Variants in TMEM255B observed in about 807,000 individuals in gnomAD.
TMEM255B encodes family with sequence similarity 70, member B.
TMEM255B carries 35 observed loss-of-function variants against 34.5 expected under a neutral mutation model. That is an observed-to-expected ratio of 1.01 (90% CI 0.77 to 1.34). The LOEUF (loss-of-function observed/expected upper bound fraction) is 1.34. Among genes scored for constraint, TMEM255B ranks in the 40% most tolerant of loss-of-function variants. TMEM255B has a pLI of 0.00. For missense variants in TMEM255B, 432 were observed against 433.2 expected, an observed-to-expected ratio of 1.00 and a Z score of 0.02; for synonymous variants, 206 against 201.2, an observed-to-expected ratio of 1.02 and a Z score of -0.20.
intron 8 of TMEM255B, 124 bp from the exon 9 acceptor site, chr13:113,811,594 ATGGCCCTGAGTCTGCGGG>A: frequency 1.2e-6 from 1 of 828,362 alleles, no homozygotes; most frequent in East Asian, 3.0e-5. Context: ...GCCCATGTGA[ATGGCCCTGAGTCTGCGGG>A]TGGCCCTGGG....
chr13:113,801,832 C>T lies in TMEM255B; in HGVS notation c.669+20C>T, dbSNP rs1422297427. On this transcript the variant is annotated intron_variant, in intron 7 of 8. Transcript: ENST00000375353. Reference sequence around the variant, plus strand: ...GACATGGTGAGGCCCCTTGGTGGGACCCCCGCTGCTCACTGGGAGCCGGGG... The same window carrying T: ...GACATGGTGAGGCCCCTTGGTGGGATCCCCGCTGCTCACTGGGAGCCGGGG... 1 of 1,573,188 alleles carries T rather than the reference C, an allele frequency of 6.4e-7. No individual in the cohort carries two copies. The highest frequency in any genetic ancestry group is 8.6e-7 in the Non-Finnish European group (1 of 1,157,744).
At chr13:113,799,276 C>T in intron 4 of TMEM255B, 63 bp from the exon 5 acceptor site, 22 of 1,539,106 alleles carry the variant, frequency 1.4e-5, no homozygotes, top group Non-Finnish European at 2.0e-5. Context: ...CCTGAAATTG[C>T]CTCTGGCCTC....
intron 3 of TMEM255B, among the ~76,000 whole-genome samples, chr13:113,786,508 C>T (rs1015409997): frequency 8.4e-5 from 11 of 130,842 alleles, no homozygotes; most frequent in Middle Eastern, 6.5e-3. Context: ...TCACCATCAC[C>T]ATCATCACCA....
Position 113,782,941 on chromosome 13 carries a change from T to A in TMEM255B, c.253-12207T>A, listed in dbSNP as rs140640088. Among the ~76,000 whole-genome samples the A allele has an allele frequency of 8.2e-3, 1,253 of 152,284 alleles. 20 individuals are homozygous for A. The highest frequency in any genetic ancestry group is 0.029 in the African/African-American group (1,192 of 41,560). Reference sequence around the variant, plus strand: ...TGAGCATCTGGTATTTATATGGAGATGTTTGTCTTTTTGAATTCTTTGTTC... The same window carrying A: ...TGAGCATCTGGTATTTATATGGAGAAGTTTGTCTTTTTGAATTCTTTGTTC... On this transcript the variant is annotated intron_variant, in intron 3 of 8. Transcript: ENST00000375353.
chr13:113,795,621 C>T (rs1359710698), intron 4 of TMEM255B, among the ~76,000 whole-genome samples: 1 of 146,874 alleles, frequency 6.8e-6, no homozygotes, highest in East Asian at 2.1e-4. Context: ...ACACACCACA[C>T]ACCACACAAC....
chr13:113,786,815 C>T (rs531066447), intron 3 of TMEM255B, among the ~76,000 whole-genome samples: 33 of 152,332 alleles, frequency 2.2e-4, no homozygotes, highest in African/African-American at 6.5e-4. Context: ...GAAACCATTA[C>T]GATGGATTTC....
Position 113,806,148 on chromosome 13 carries a change from G to A in TMEM255B, c.813+1120G>A, listed in dbSNP as rs1332456210. 6.6e-6 allele frequency among the ~76,000 whole-genome samples: 1 copy of A among 152,160 alleles called. No individual in the cohort carries two copies. Among genetic ancestry groups the A allele is most frequent in the African/African-American group, 2.4e-5 (1 of 41,428 alleles). On this transcript the variant is annotated intron_variant, in intron 8 of 8. Coordinates refer to ENST00000375353, the MANE Select transcript of TMEM255B (RefSeq NM_182614.4). This position sits in a 1 kb window ranked among gnomAD's most constrained non-coding sequence, Gnocchi z 4.2. Reference sequence around the variant, plus strand: ...TCCGGGGGAGGCCTGTGCACACTCTGCCCTCACGTCCAGGACAGAGAGGGC... The same window carrying A: ...TCCGGGGGAGGCCTGTGCACACTCTACCCTCACGTCCAGGACAGAGAGGGC...
intron 6 of TMEM255B, 67 bp downstream of exon 6, chr13:113,800,979 T>A: frequency 8.7e-7 from 1 of 1,149,238 alleles, no homozygotes; most frequent in Admixed American, 2.3e-5. Flanking sequence ...GACCCCCGTA[T>A]CTACACCTGC....
At chr13:113,794,782 C>G (rs1476708869) in intron 3 of TMEM255B, among the ~76,000 whole-genome samples, 2 of 152,224 alleles carry the variant, frequency 1.3e-5, no homozygotes, top group Non-Finnish European at 2.9e-5. Context: ...GAAGCTGATC[C>G]GATGACTGTA....
At chr13:113,796,057 CAG>C (rs1336434607) in intron 4 of TMEM255B, among the ~76,000 whole-genome samples, 2 of 140,448 alleles carry the variant, frequency 1.4e-5, no homozygotes, top group Non-Finnish European at 3.0e-5. Context: ...ACACAACACA[CAG>C]AGCACACAGC....
At chr13:113,798,461 AATGG>A (rs1206576983) in intron 4 of TMEM255B, among the ~76,000 whole-genome samples, 1 of 139,030 alleles carries the variant, frequency 7.2e-6, no homozygotes, top group African/African-American at 2.7e-5. Flanking sequence ...AAGGATGGAT[AATGG>A]ATGGATGATG....
At chr13:113,805,734 C>T (rs901650675) in intron 8 of TMEM255B, among the ~76,000 whole-genome samples, 2 of 152,206 alleles carry the variant, frequency 1.3e-5, no homozygotes, top group African/African-American at 4.8e-5. Context: ...TCAGAGCCGC[C>T]GGTGTGACAA....
intron 3 of TMEM255B, among the ~76,000 whole-genome samples, chr13:113,771,417 C>T (rs973028676): frequency 6.6e-6 from 1 of 152,180 alleles, no homozygotes; most frequent in Non-Finnish European, 1.5e-5. Flanking sequence ...CACGGTGGCT[C>T]ATGCCTGTAA....
Position 113,812,861 on chromosome 13 carries a change from GGTGGGTCACAGGTCCCGA to G in TMEM255B, c.*971_*988del, listed in dbSNP as rs1208362202. 0.024 allele frequency: 3,691 copies of G among 154,410 alleles called. 97 individuals carry two copies. The highest frequency in any genetic ancestry group is 0.066 in the African/African-American group (1,943 of 29,322). The allele number at this position is 154,410 out of a possible 1,614,324, so 9.6% of individuals were successfully genotyped here. A position where few individuals can be genotyped will look rare whatever the true frequency, so the allele number is the denominator to read the frequency against. The stretch of plus-strand genomic sequence containing the variant: ...TCCCGGGTGGGTCACAGGCATCCCG[GGTGGGTCACAGGTCCCGA>G]GTGGGTCACAGGCCCCGGGTGAGTC... On this transcript the variant is annotated 3_prime_UTR_variant, in exon 9 of 9. Transcript: ENST00000375353.
chr13:113,766,421 C>A, intron 2 of TMEM255B, 164 bp downstream of exon 2: 2 of 1,000,538 alleles, frequency 2.0e-6, no homozygotes, highest in Non-Finnish European at 3.1e-6. Context: ...ATGCACTTCC[C>A]AATCCCCAGG....
chr13:113,782,102 TG>T (rs1437812103), intron 3 of TMEM255B, among the ~76,000 whole-genome samples: 2 of 152,240 alleles, frequency 1.3e-5, no homozygotes, highest in African/African-American at 4.8e-5. Context: ...TTAGACCAAC[TG>T]TTTACATTTT....
chr13:113,785,694 T>G (rs2050730133), intron 3 of TMEM255B, among the ~76,000 whole-genome samples: 1 of 152,216 alleles, frequency 6.6e-6, no homozygotes, highest in South Asian at 2.1e-4. Flanking sequence ...GTAGGAACGG[T>G]TGCCGCTGGG....
chr13:113,795,514 G>A (rs1355869334), intron 4 of TMEM255B, among the ~76,000 whole-genome samples: 1 of 129,942 alleles, frequency 7.7e-6, no homozygotes, highest in Non-Finnish European at 1.6e-5. Context: ...AGAGCACACA[G>A]CACACAACAC....
chr13:113,781,906 C>A (rs1194749703), intron 3 of TMEM255B, among the ~76,000 whole-genome samples: 2 of 152,142 alleles, frequency 1.3e-5, no homozygotes, highest in East Asian at 3.8e-4. Flanking sequence ...CATACAAGAT[C>A]CTTTCTTATA....
Sources: allele counts gnomAD v4.1 joint callset (sites outside exome capture counted in the v4.1 genomes callset), GRCh38; gene constraint gnomAD v4.1.1; non-coding constraint Gnocchi (gnomAD v3.1); transcripts MANE v1.5; gene names NCBI Gene and HGNC (gene_info 2026-07-23, HGNC 2026-07-21).